TBC1D14: variants seen among roughly 807,000 people sequenced by gnomAD.
The protein encoded by TBC1D14 is TBC1 domain family, member 14.
Under a neutral mutation model 79.0 loss-of-function variants are expected in TBC1D14, and 26 were observed. The ratio of observed to expected loss-of-function variants is 0.33; its 90% CI spans 0.24 to 0.46. The LOEUF is 0.46. TBC1D14 is among the 20% of genes least tolerant of loss of function. The pLI is 1.00. For synonymous variants in TBC1D14, 394 were observed against 349.9 expected (o/e 1.13, Z -1.40); for missense variants, 769 against 887.6 (o/e 0.87, Z 1.70).
chr4:6,962,976 T>A (rs1321673598), intron 2 of TBC1D14, among the ~76,000 whole-genome samples: 5 of 152,184 alleles, frequency 3.3e-5, no homozygotes, highest in African/African-American at 4.8e-5. Flanking sequence ...ATCCTGGGGA[T>A]GCAGAGGTGA....
intron 7 of TBC1D14, among the ~76,000 whole-genome samples, chr4:7,004,251 G>C (rs544956576): frequency 6.6e-6 from 1 of 152,246 alleles, no homozygotes; most frequent in Non-Finnish European, 1.5e-5. Context: ...TTTGGAGGCT[G>C]TCATGATCCT....
intron 13 of TBC1D14, among the ~76,000 whole-genome samples, chr4:7,027,588 C>G (rs1722542209): frequency 2.0e-5 from 3 of 148,084 alleles, no homozygotes; most frequent in South Asian, 4.4e-4. Flanking sequence ...CACACACCCA[C>G]CCACGCATAC....
At chr4:6,963,865 C>T (rs775243954) in intron 2 of TBC1D14, among the ~76,000 whole-genome samples, 10 of 151,388 alleles carry the variant, frequency 6.6e-5, no homozygotes, top group East Asian at 3.9e-4. Context: ...GGTGTGATCT[C>T]GGCTCACTGC....
intron 1 of TBC1D14, among the ~76,000 whole-genome samples, chr4:6,922,155 G>C (rs1195786885): frequency 1.3e-5 from 2 of 152,152 alleles, no homozygotes. Context: ...CCAGGCTCAA[G>C]TGATCCTCCC....
intron 5 of TBC1D14, chr4:6,996,911 C>T (rs983097467): frequency 2.6e-5 from 4 of 152,260 alleles, no homozygotes; most frequent in Non-Finnish European, 5.9e-5. Flanking sequence ...ATATTTCTTT[C>T]CCTCTCTGGG....
rs1577110774 is a variant in TBC1D14, at chr4:6,977,709, AAGTGAGG to A, written c.843+10288_843+10294del. On this transcript the variant is annotated intron_variant, in intron 3 of 13. Coordinates refer to ENST00000409757, the MANE Select transcript of TBC1D14 (RefSeq NM_020773.3). ...CTGCCAGGCCGCCATCCCATCTAGGAAGTGAGGAGCGTCTCTGCCAGGCCGCCATCCC... is the reference window on the plus strand; with the variant it reads ...CTGCCAGGCCGCCATCCCATCTAGGAAGCGTCTCTGCCAGGCCGCCATCCC... Among the ~76,000 whole-genome samples, 8 of 96,904 alleles carry A rather than the reference AAGTGAGG, an allele frequency of 8.3e-5. No homozygotes were observed. The East Asian group carries it at 2.7e-3, about 33-fold the overall frequency. The allele number at this position is 96,904 out of a possible 152,430, so 63.6% of individuals were successfully genotyped here. A position where few individuals can be genotyped will look rare whatever the true frequency, so the allele number is the denominator to read the frequency against.
rs1197420740 is a variant in TBC1D14 at position 7,001,223 on chromosome 4, C to T, written c.1242C>T (p.Ala414=). The change falls in exon 7 of 14, where the codon GCC becomes GCT. Residue 414 remains alanine, a synonymous_variant. Coordinates refer to ENST00000409757, the MANE Select transcript of TBC1D14 (RefSeq NM_020773.3). ...PSVRGKVWSL[A]IGNELNITHE... ...TGAGAGGCAAAGTCTGGAGCTTAGC[C>T]ATTGGCAACGAGTTAAATATCACCC... 1 of 1,614,122 alleles carries T rather than the reference C, an allele frequency of 6.2e-7. No homozygotes were observed. The highest frequency in any genetic ancestry group is 2.2e-5 in the East Asian group (1 of 44,890).
At chr4:6,959,132 G>A (rs1284539027) in intron 2 of TBC1D14, among the ~76,000 whole-genome samples, 2 of 151,746 alleles carry the variant, frequency 1.3e-5, no homozygotes, top group South Asian at 2.1e-4. Context: ...TGATCCGCCC[G>A]CCTCGGCCTC....
chr4:6,954,377 T>C, intron 2 of TBC1D14: 1 of 717,494 alleles, frequency 1.4e-6, no homozygotes, highest in Non-Finnish European at 2.6e-6. Context: ...CTGTTGGAAC[T>C]GGAGACTTAA....
At chr4:7,015,224 G>A (rs1721166306) in intron 12 of TBC1D14, among the ~76,000 whole-genome samples, 1 of 152,024 alleles carries the variant, frequency 6.6e-6, no homozygotes, top group African/African-American at 2.4e-5. Context: ...CAGATCCAGC[G>A]GCGAGTTTTA....
At chr4:6,953,377 T>G (rs1310738263) in intron 2 of TBC1D14, among the ~76,000 whole-genome samples, 1 of 131,020 alleles carries the variant, frequency 7.6e-6, no homozygotes, top group Non-Finnish European at 1.6e-5. Context: ...ATCCCAGCAC[T>G]TTGGGAGGCC....
intron 1 of TBC1D14, among the ~76,000 whole-genome samples, chr4:6,921,901 T>C (rs943897359): frequency 6.6e-6 from 1 of 152,116 alleles, no homozygotes; most frequent in Admixed American, 6.5e-5. Context: ...TTCACCATGT[T>C]GGCCAGGCTG....
intron 3 of TBC1D14, chr4:6,987,130 A>T (rs1185688988): frequency 4.1e-6 from 4 of 976,402 alleles, no homozygotes; most frequent in Non-Finnish European, 4.8e-6. Flanking sequence ...CCCCCTTGGG[A>T]GTCTCCAGCC....
intron 1 of TBC1D14, among the ~76,000 whole-genome samples, chr4:6,920,343 C>G (rs1306901937): frequency 1.3e-5 from 2 of 151,836 alleles, no homozygotes; most frequent in African/African-American, 2.4e-5. Flanking sequence ...GATCATAGCT[C>G]ATTGCTATGA....
At position 6,978,752 on chromosome 4, in the gene TBC1D14, A is replaced by AAG. The variant is rs1228374530; in HGVS notation, c.843+11329_843+11330insGA. Among the ~76,000 whole-genome samples, 764 of 151,704 alleles carry AAG rather than the reference A, an allele frequency of 5.0e-3. 6 individuals carry two copies. The highest frequency in any genetic ancestry group is 7.9e-3 in the Non-Finnish European group (537 of 67,872). Reference sequence around the variant, plus strand: ...GAATGATCAATTAAAAAAAAAAAAAAAAAAGAAAAGAAAATCAGGGCACAT... The same window carrying AAG: ...GAATGATCAATTAAAAAAAAAAAAAAAGAAAAGAAAAGAAAATCAGGGCACAT... On this transcript the variant is annotated intron_variant, in intron 3 of 13. Transcript: ENST00000409757.
At position 7,024,968 on chromosome 4, in the gene TBC1D14, T is replaced by G. The variant is rs773614922; in HGVS notation, c.1758-36T>G. 3 of 1,609,212 alleles carry G rather than the reference T, an allele frequency of 1.9e-6. No homozygotes were observed. The South Asian group carries it at 3.3e-5, about 18-fold the overall frequency. ...ACTGTTCTTTCTTTGTTAGGAGAGATTCAAAATCTGAAAAATTCCAACTTT... is the reference window on the plus strand; with the variant it reads ...ACTGTTCTTTCTTTGTTAGGAGAGAGTCAAAATCTGAAAAATTCCAACTTT... On this transcript the variant is annotated intron_variant, in intron 12 of 13. Transcript: ENST00000409757.
chr4:7,032,126 ACCT>A lies in TBC1D14; in HGVS notation c.*1739_*1741del, dbSNP rs1313567823. The A allele has an allele frequency of 6.7e-6, 1 of 149,382 alleles. No individual in the cohort carries two copies. Among genetic ancestry groups the A allele is most frequent in the African/African-American group, 2.5e-5 (1 of 40,098 alleles). 9.3% of individuals were successfully genotyped at this position (149,382 alleles called of 1,614,324 possible). A position where few individuals can be genotyped will look rare whatever the true frequency, so the allele number is the denominator to read the frequency against. ...TGCCTCGGCCTTTAAATGCTGACTC[ACCT>A]CCTCTCGGAGGAGGCGTCCTGTCTT... On this transcript the variant is annotated 3_prime_UTR_variant, in exon 14 of 14. Coordinates refer to ENST00000409757, the MANE Select transcript of TBC1D14 (RefSeq NM_020773.3).
chr4:6,967,197 G>C, intron 2 of TBC1D14, 107 bp from the exon 3 acceptor site: 7 of 1,378,478 alleles, frequency 5.1e-6, no homozygotes, highest in Non-Finnish European at 6.9e-6. Context: ...ATTAAAGTAC[G>C]TGGTTCTCAG....
chr4:7,021,118 C>T (rs1157335291), intron 12 of TBC1D14, among the ~76,000 whole-genome samples: 2 of 152,174 alleles, frequency 1.3e-5, no homozygotes, highest in Non-Finnish European at 2.9e-5. Context: ...TTCCTTGCCT[C>T]TAGCAAGCTC....
Sources: allele counts gnomAD v4.1 joint callset (sites outside exome capture counted in the v4.1 genomes callset), GRCh38; gene constraint gnomAD v4.1.1; transcripts MANE v1.5; gene names NCBI Gene and HGNC (gene_info 2026-07-23, HGNC 2026-07-21).